GRID2: variants seen among roughly 807,000 people sequenced by gnomAD.
The protein encoded by GRID2 is glutamate receptor ionotropic, delta-2.
Under a neutral mutation model 114.8 loss-of-function variants are expected in GRID2, and 33 were observed. The observed-to-expected ratio is 0.29, with a 90% confidence interval of 0.22 to 0.38. The LOEUF (loss-of-function observed/expected upper bound fraction) is 0.38. Ranked by LOEUF, GRID2 falls within the 10% of genes least tolerant of loss-of-function variation. The pLI is 1.00. For synonymous variants in GRID2, 505 were observed against 449.9 expected (o/e 1.12, Z -1.55); for missense variants, 1,184 against 1,257.7 (o/e 0.94, Z 0.89).
At position 92,949,316 on chromosome 4, in the gene GRID2, CTT is replaced by C. The variant is rs1313657943; in HGVS notation, c.245-135673_245-135672del. 2.0e-5 allele frequency among the ~76,000 whole-genome samples: 3 copies of C among 151,770 alleles called. No individual in the cohort carries two copies. The East Asian group carries it at 5.8e-4, about 29-fold the overall frequency. On this transcript the variant is annotated intron_variant, in intron 2 of 15. Coordinates refer to ENST00000282020, the MANE Select transcript of GRID2 (RefSeq NM_001510.4). Reference sequence around the variant, plus strand: ...ATTTAAAATAAAAATAGGGCATAGTCTTTTTTTATTATACTTCAAGTTTTAGG... The same window carrying C: ...ATTTAAAATAAAAATAGGGCATAGTCTTTTTATTATACTTCAAGTTTTAGG...
intron 10 of GRID2, among the ~76,000 whole-genome samples, chr4:93,455,142 A>T (rs1182111644): frequency 6.6e-6 from 1 of 152,146 alleles, no homozygotes; most frequent in Non-Finnish European, 1.5e-5. Context: ...CCTTAGTGCT[A>T]TAAAAACTCT....
intron 2 of GRID2, among the ~76,000 whole-genome samples, chr4:92,590,976 T>C (rs1728683801): frequency 6.6e-6 from 1 of 152,226 alleles, no homozygotes; most frequent in African/African-American, 2.4e-5. Context: ...ATTAGTCTAA[T>C]TAAACATTTA....
rs1206780169 is a variant in GRID2 at position 92,600,044 on chromosome 4, G to GTGTA, written c.244+9759_244+9760insGTAT. On this transcript the variant is annotated intron_variant, in intron 2 of 15. Transcript: ENST00000282020. The stretch of plus-strand genomic sequence containing the variant: ...CATGTATGTGTGTGTGTGTGTGTGT[G>GTGTA]TATATATATATATATATATATATAT... Among the ~76,000 whole-genome samples the GTGTA allele has an allele frequency of 7.8e-3, 422 of 54,374 alleles. 1 individual carries two copies. Among genetic ancestry groups the GTGTA allele is most frequent in the Middle Eastern group, 0.013 (1 of 76 alleles). The allele number at this position is 54,374 out of a possible 152,430, so 35.7% of individuals were successfully genotyped here.
chr4:93,650,798 A>C (rs72873032), intron 14 of GRID2, among the ~76,000 whole-genome samples: 37,773 of 151,946 alleles, frequency 0.25, 5,010 homozygotes, highest in East Asian at 0.51. Flanking sequence ...AAAGCTTTAA[A>C]AAAATTCTTC....
At chr4:93,554,364 A>C (rs1734091381) in intron 13 of GRID2, among the ~76,000 whole-genome samples, 1 of 152,128 alleles carries the variant, frequency 6.6e-6, no homozygotes, top group Admixed American at 6.6e-5. Flanking sequence ...TATTCGTAGA[A>C]GCTTGAATCT....
intron 10 of GRID2, among the ~76,000 whole-genome samples, chr4:93,426,272 A>G (rs1053592242): frequency 6.6e-6 from 1 of 152,186 alleles, no homozygotes; most frequent in East Asian, 1.9e-4. Flanking sequence ...CTTCCTTCTT[A>G]TTAAAACCGT....
intron 4 of GRID2, among the ~76,000 whole-genome samples, chr4:93,150,679 T>C (rs1736652513): frequency 6.6e-6 from 1 of 151,902 alleles, no homozygotes; most frequent in South Asian, 2.1e-4. Context: ...GTCTGTGTCC[T>C]CTCTGAAATT....
intron 7 of GRID2, among the ~76,000 whole-genome samples, chr4:93,231,732 T>G (rs1416330265): frequency 6.6e-6 from 1 of 152,186 alleles, no homozygotes; most frequent in East Asian, 1.9e-4. Flanking sequence ...TACAGACTAG[T>G]ACGTTGGATG....
At chr4:92,884,828 C>A in intron 2 of GRID2, 2 of 352,174 alleles carry the variant, frequency 5.7e-6, no homozygotes, top group Non-Finnish European at 1.2e-5. Context: ...GAATGTAATG[C>A]TTTATGTGAA....
intron 2 of GRID2, among the ~76,000 whole-genome samples, chr4:93,048,562 C>CA (rs549940282): frequency 7.4e-4 from 113 of 152,062 alleles, no homozygotes; most frequent in African/African-American, 2.6e-3. Flanking sequence ...TTTCCCTTTT[C>CA]AAAAATGCTT....
At chr4:93,715,746 G>T (rs1035470777) in intron 14 of GRID2, among the ~76,000 whole-genome samples, 2 of 152,124 alleles carry the variant, frequency 1.3e-5, no homozygotes, top group African/African-American at 4.8e-5. Context: ...TGTTGCTGGC[G>T]TATAGGAATG....
chr4:92,427,815 A>G (rs553446971), intron 1 of GRID2, among the ~76,000 whole-genome samples: 63 of 152,318 alleles, frequency 4.1e-4, no homozygotes, highest in Non-Finnish European at 8.4e-4. Context: ...TAATGAATGC[A>G]AAGTTTTTGT....
intron 4 of GRID2, among the ~76,000 whole-genome samples, chr4:93,134,527 G>A (rs900054442): frequency 2.0e-5 from 3 of 152,022 alleles, no homozygotes; most frequent in African/African-American, 4.8e-5. Flanking sequence ...AAACTTGCTG[G>A]ATATCAAAAT....
At chr4:92,571,586 C>T (rs1012577182) in intron 1 of GRID2, among the ~76,000 whole-genome samples, 1 of 152,138 alleles carries the variant, frequency 6.6e-6, no homozygotes, top group Non-Finnish European at 1.5e-5. Flanking sequence ...ATACATTCTT[C>T]TCAGCACCAC....
At chr4:93,279,102 T>G (rs192888913) in intron 8 of GRID2, among the ~76,000 whole-genome samples, 11 of 151,930 alleles carry the variant, frequency 7.2e-5, no homozygotes, top group Non-Finnish European at 1.5e-5. Flanking sequence ...GATTACCCTT[T>G]TAAAGTACTG....
intron 2 of GRID2, among the ~76,000 whole-genome samples, chr4:93,071,778 G>C (rs531118606): frequency 1.3e-5 from 2 of 152,306 alleles, no homozygotes; most frequent in African/African-American, 4.8e-5. Context: ...GCCATGATAA[G>C]AGAGTTCTCA....
At chr4:93,417,537 C>T (rs11940945) in intron 9 of GRID2, among the ~76,000 whole-genome samples, 13,745 of 151,888 alleles carry the variant, frequency 0.09, 1,603 homozygotes, top group African/African-American at 0.27. Context: ...CCACAGAAAC[C>T]ACCTCCCCAG....
chr4:92,592,021 T>C (rs974874303), intron 2 of GRID2, among the ~76,000 whole-genome samples: 9 of 151,978 alleles, frequency 5.9e-5, no homozygotes, highest in Admixed American at 4.6e-4. Context: ...ATAAATTTTC[T>C]ATGGAAATAT....
At chr4:93,691,706 T>C (rs1320272043) in intron 14 of GRID2, among the ~76,000 whole-genome samples, 1 of 152,076 alleles carries the variant, frequency 6.6e-6, no homozygotes, top group Non-Finnish European at 1.5e-5. Flanking sequence ...ATTTCACATT[T>C]TTTAAATAGA....
Sources: gnomAD v4.1 joint callset for allele counts (sites outside exome capture counted in the v4.1 genomes callset) on GRCh38, gnomAD v4.1.1 for gene constraint, MANE v1.5 for transcripts, NCBI Gene and HGNC (gene_info 2026-07-23, HGNC 2026-07-21) for gene names.